Variants in UQCRH observed in about 807,000 individuals in gnomAD.
The protein encoded by UQCRH is cytochrome b-c1 complex subunit 6, mitochondrial.
A neutral mutation model predicts 16.3 loss-of-function variants in UQCRH; 14 were observed. That is an observed-to-expected ratio of 0.86 (90% CI 0.57 to 1.34). UQCRH has a LOEUF of 1.34. Among genes scored for constraint, UQCRH ranks in the 40% most tolerant of loss-of-function variants. The pLI is 0.00. For missense variants in UQCRH, 89 were observed against 111.9 expected (o/e 0.80, Z 0.92); for synonymous variants, 41 against 41.9 (o/e 0.98, Z 0.08).
At chr1:46,309,379 T>C in intron 2 of UQCRH, 2 of 472,628 alleles carry the variant, frequency 4.2e-6, no homozygotes, top group Non-Finnish European at 7.4e-6. Context: ...CACTCAATCA[T>C]CTGCTATTTG....
intron 3 of UQCRH, 132 bp from the exon 4 acceptor site, chr1:46,316,420 C>G (rs1661583863): frequency 8.4e-7 from 1 of 1,189,852 alleles, no homozygotes; most frequent in Admixed American, 2.3e-5. Flanking sequence ...CACTAGGACT[C>G]AAGTGCTGCT....
chr1:46,307,038 AC>A (rs1661389464), intron 1 of UQCRH, among the ~76,000 whole-genome samples: 1 of 152,046 alleles, frequency 6.6e-6, no homozygotes, highest in South Asian at 2.1e-4. Flanking sequence ...GACGTGCGCC[AC>A]CATGCCCGGC....
At chr1:46,312,818 T>C (rs1397402269) in intron 3 of UQCRH, among the ~76,000 whole-genome samples, 1 of 152,080 alleles carries the variant, frequency 6.6e-6, no homozygotes, top group African/African-American at 2.4e-5. Context: ...GTTGCTTCTA[T>C]TAAAACTAAT....
In UQCRH at chr1:46,316,599, T is replaced by C; in HGVS notation, c.*15T>C. The C allele has an allele frequency of 2.5e-6, 4 of 1,612,406 alleles. No homozygotes were observed. Among genetic ancestry groups the C allele is most frequent in the Non-Finnish European group, 3.4e-6 (4 of 1,179,766 alleles). On this transcript the variant is annotated 3_prime_UTR_variant, in exon 4 of 4. Transcript: ENST00000311672. ...ACTTGAAATAAATGTGTGGACTTAATTCACCCCAGTCTTCATCATCTGGGC... is the reference window on the plus strand; with the variant it reads ...ACTTGAAATAAATGTGTGGACTTAACTCACCCCAGTCTTCATCATCTGGGC...
intron 1 of UQCRH, among the ~76,000 whole-genome samples, chr1:46,307,047 G>A (rs572408184): frequency 6.6e-5 from 10 of 151,944 alleles, no homozygotes; most frequent in African/African-American, 2.4e-4. Flanking sequence ...CACCATGCCC[G>A]GCTAATTTAT....
At chr1:46,311,421 C>CA (rs1327391426) in intron 3 of UQCRH, among the ~76,000 whole-genome samples, 1 of 149,002 alleles carries the variant, frequency 6.7e-6, no homozygotes, top group Non-Finnish European at 1.5e-5. Context: ...TACTAAAGTA[C>CA]AAAAAATTAG....
chr1:46,313,805 C>T (rs1280701968), intron 3 of UQCRH, among the ~76,000 whole-genome samples: 1 of 151,370 alleles, frequency 6.6e-6, no homozygotes, highest in Non-Finnish European at 1.5e-5. Flanking sequence ...CACGCCACTG[C>T]ACTCCAGCCT....
intron 3 of UQCRH, among the ~76,000 whole-genome samples, chr1:46,311,514 C>G (rs1661475201): frequency 6.7e-6 from 1 of 149,558 alleles, no homozygotes; most frequent in Non-Finnish European, 1.5e-5. Flanking sequence ...GGAGGCGGAG[C>G]TTGCAGTGAG....
At chr1:46,306,143 G>T (rs1437594175) in intron 1 of UQCRH, among the ~76,000 whole-genome samples, 1 of 152,068 alleles carries the variant, frequency 6.6e-6, no homozygotes, top group African/African-American at 2.4e-5. Flanking sequence ...TGTGATCTTG[G>T]TTTTTCTCAG....
At chr1:46,304,889 T>A (rs1348289395) in intron 1 of UQCRH, among the ~76,000 whole-genome samples, 2 of 152,226 alleles carry the variant, frequency 1.3e-5, no homozygotes, top group African/African-American at 4.8e-5. Flanking sequence ...CAGCTACTAG[T>A]TGTTTCTAAT....
At chr1:46,308,971 C>T (rs1661420561) in intron 1 of UQCRH, 130 bp from the exon 2 acceptor site, 2 of 1,146,436 alleles carry the variant, frequency 1.7e-6, no homozygotes, top group African/African-American at 3.2e-5. Context: ...GTAAAAACAT[C>T]ATAAAACACA....
chr1:46,310,352 C>T (rs1235182069), intron 3 of UQCRH, 36 bp downstream of exon 3: 3 of 1,613,438 alleles, frequency 1.9e-6, no homozygotes, highest in Non-Finnish European at 2.5e-6. Context: ...GGAAAGGTTG[C>T]AATGGTCAGG....
In UQCRH at chr1:46,303,704, G is replaced by T; in HGVS notation, c.-63G>T. ...TGAGTGACCCTTACAAGTCCTTCTTGATCCTGAACTGGGTTAGGTGCCGCT... is the reference window on the plus strand; with the variant it reads ...TGAGTGACCCTTACAAGTCCTTCTTTATCCTGAACTGGGTTAGGTGCCGCT... On this transcript the variant is annotated 5_prime_UTR_variant, in exon 1 of 4. Coordinates refer to ENST00000311672, the MANE Select transcript of UQCRH (RefSeq NM_006004.4). 1 of 1,612,434 alleles carries T rather than the reference G, an allele frequency of 6.2e-7. No homozygotes were observed. The highest frequency in any genetic ancestry group is 1.1e-5 in the South Asian group (1 of 90,876).
chr1:46,311,323 AGGCG>A (rs1661469363), intron 3 of UQCRH, among the ~76,000 whole-genome samples: 1 of 9,860 alleles, frequency 1.0e-4, no homozygotes, highest in African/African-American at 3.1e-4. Context: ...GCACTTTGGG[AGGCG>A]GAGGCGGAGG....
At chr1:46,306,911 G>T (rs996160203) in intron 1 of UQCRH, among the ~76,000 whole-genome samples, 9 of 152,058 alleles carry the variant, frequency 5.9e-5, no homozygotes, top group African/African-American at 1.9e-4. Context: ...TGGAGACGGG[G>T]TCTCACTCTT....
chr1:46,307,003 G>A (rs991994826), intron 1 of UQCRH, among the ~76,000 whole-genome samples: 2 of 152,056 alleles, frequency 1.3e-5, no homozygotes, highest in African/African-American at 2.4e-5. Context: ...CTCCCACCTC[G>A]GCCTTCTGAG....
intron 3 of UQCRH, among the ~76,000 whole-genome samples, chr1:46,314,936 C>T (rs142296488): frequency 1.2e-4 from 19 of 152,260 alleles, no homozygotes; most frequent in African/African-American, 4.3e-4. Context: ...ATTGGACGTT[C>T]TAGAGATTGT....
At chr1:46,304,101 A>G (rs1436786780) in intron 1 of UQCRH, among the ~76,000 whole-genome samples, 1 of 152,146 alleles carries the variant, frequency 6.6e-6, no homozygotes, top group Non-Finnish European at 1.5e-5. Context: ...AATATGACCT[A>G]TGTTTGCAGT....
chr1:46,316,528 C>A (rs765239630), intron 3 of UQCRH, 24 bp from the exon 4 acceptor site: 1 of 1,613,466 alleles, frequency 6.2e-7, no homozygotes, highest in Non-Finnish European at 8.5e-7. Flanking sequence ...CAATTGATTA[C>A]CTCCTTTTCT....
Sources: gnomAD v4.1 joint callset for allele counts (sites outside exome capture counted in the v4.1 genomes callset) on GRCh38, gnomAD v4.1.1 for gene constraint, MANE v1.5 for transcripts, NCBI Gene and HGNC (gene_info 2026-07-23, HGNC 2026-07-21) for gene names.